The following TMSB15B variants were observed in gnomAD, a reference collection of about 807,000 sequenced individuals.
TMSB15B encodes the protein thymosin beta 15B.
rs782049934 is a variant in TMSB15B, at chrX:103,928,218, C to T, written c.-721+8926C>T. On this transcript the variant is annotated intron_variant, in intron 1 of 3. Coordinates refer to the TMSB15B transcript ENST00000419165. ...CTTGGGGCTGTTTCCAACTCTATGT[C>T]TACTTTTCTGACCTTTCCTATCTAT... The T allele has an allele frequency of 1.2e-5, 14 of 1,198,298 alleles. No individual in the cohort carries two copies. The East Asian group carries it at 3.9e-4, about 33-fold the overall frequency.
chrX:103,947,546 G>T (rs1157128078), intron 1 of TMSB15B, among the ~76,000 whole-genome samples: 2 of 111,897 alleles, frequency 1.8e-5, no homozygotes, highest in Non-Finnish European at 3.8e-5. Flanking sequence ...TGCCTAACAG[G>T]ATACCTTCTT....
chrX:103,935,956 C>T (rs782547783), intron 1 of TMSB15B, among the ~76,000 whole-genome samples: 4 of 104,034 alleles, frequency 3.8e-5, no homozygotes, highest in African/African-American at 1.4e-4. Flanking sequence ...AAGTTATTCT[C>T]CTGCCTCAGC....
intron 1 of TMSB15B, among the ~76,000 whole-genome samples, chrX:103,940,900 A>G (rs782314080): frequency 9.0e-6 from 1 of 111,471 alleles, no homozygotes; most frequent in Non-Finnish European, 1.9e-5. Context: ...AAAGCTTAGT[A>G]TCTGGGCCAG....
At chrX:103,928,342 C>T in intron 1 of TMSB15B, 3 of 1,208,948 alleles carry the variant, frequency 2.5e-6, no homozygotes, top group Non-Finnish European at 3.4e-6. Context: ...GGGAATCTAC[C>T]CTCCTCTTCT....
chrX:103,935,720 A>C (rs2074995800), intron 1 of TMSB15B, among the ~76,000 whole-genome samples: 1 of 110,856 alleles, frequency 9.0e-6, no homozygotes, highest in African/African-American at 3.3e-5. Flanking sequence ...TACCAGTACC[A>C]TGCTGTTTTG....
chrX:103,930,650 C>G (rs187519961), intron 1 of TMSB15B, among the ~76,000 whole-genome samples: 1 of 107,966 alleles, frequency 9.3e-6, no homozygotes, highest in Non-Finnish European at 1.9e-5. Context: ...GTCAGTAAGA[C>G]ACATGCCTTG....
At chrX:103,948,528 A>T (rs782519125) in intron 1 of TMSB15B, among the ~76,000 whole-genome samples, 62 of 112,462 alleles carry the variant, frequency 5.5e-4, no homozygotes, top group African/African-American at 1.9e-3. Flanking sequence ...AGCAACTTAA[A>T]TGTCTATGAG....
At chrX:103,940,183 T>C (rs2075008982) in intron 1 of TMSB15B, among the ~76,000 whole-genome samples, 1 of 112,353 alleles carries the variant, frequency 8.9e-6, no homozygotes, top group Admixed American at 9.4e-5. Context: ...GCTAGAGCAC[T>C]GTGCTGGGAG....
chrX:103,920,684 G>C (rs868948838), intron 1 of TMSB15B, among the ~76,000 whole-genome samples: 1 of 112,582 alleles, frequency 8.9e-6, no homozygotes, highest in Non-Finnish European at 1.9e-5. Flanking sequence ...AGAAGTGTGA[G>C]AAATCAAACC....
In TMSB15B at chrX:103,944,882, G is replaced by A. The variant is rs144156082; in HGVS notation, c.-720-17139G>A. On this transcript the variant is annotated intron_variant, in intron 1 of 3. Coordinates refer to the TMSB15B transcript ENST00000419165. Reference sequence around the variant, plus strand: ...GATCTCACCTCCCCTGGGTTCAAGCGATTCTCCTGCCTCAGCTTCTGAGTA... The same window carrying A: ...GATCTCACCTCCCCTGGGTTCAAGCAATTCTCCTGCCTCAGCTTCTGAGTA... 1.2e-3 allele frequency among the ~76,000 whole-genome samples: 138 copies of A among 111,793 alleles called. 3 individuals carry two copies. The East Asian group carries it at 0.036, about 29-fold the overall frequency.
chrX:103,939,980 T>C (rs1292980066), intron 1 of TMSB15B, among the ~76,000 whole-genome samples: 2 of 111,790 alleles, frequency 1.8e-5, no homozygotes, highest in African/African-American at 3.3e-5. Flanking sequence ...GTATCACTAG[T>C]GGAGGCTGTA....
At chrX:103,922,792 A>G (rs1476545147) in intron 1 of TMSB15B, among the ~76,000 whole-genome samples, 1 of 112,120 alleles carries the variant, frequency 8.9e-6, no homozygotes, top group Non-Finnish European at 1.9e-5. Context: ...ACTGTCTTCC[A>G]CAATGGTTGA....
At chrX:103,927,984 G>A in intron 1 of TMSB15B, 1 of 446,684 alleles carries the variant, frequency 2.2e-6, no homozygotes, top group Non-Finnish European at 3.7e-6. Flanking sequence ...GTTTCTTAGG[G>A]TTCATTTCCA....
At chrX:103,936,035 G>A (rs1324098472) in intron 1 of TMSB15B, among the ~76,000 whole-genome samples, 1 of 109,350 alleles carries the variant, frequency 9.1e-6, no homozygotes, top group Admixed American at 9.8e-5. Flanking sequence ...TAGTAGAGAT[G>A]GGGTTTCTCC....
At chrX:103,942,016 C>A (rs1468528224) in intron 1 of TMSB15B, among the ~76,000 whole-genome samples, 2 of 111,475 alleles carry the variant, frequency 1.8e-5, no homozygotes, top group Non-Finnish European at 3.8e-5. Flanking sequence ...AATTTTAGTT[C>A]TTTCTCCTTT....
chrX:103,926,478 G>A (rs1196689571), intron 1 of TMSB15B, among the ~76,000 whole-genome samples: 2 of 66,254 alleles, frequency 3.0e-5, no homozygotes, highest in African/African-American at 1.2e-4. Flanking sequence ...TGGATGTAGT[G>A]GGGGGGATAG....
At chrX:103,930,444 C>T (rs2074981448) in intron 1 of TMSB15B, among the ~76,000 whole-genome samples, 1 of 111,015 alleles carries the variant, frequency 9.0e-6, no homozygotes, top group Non-Finnish European at 1.9e-5. Context: ...ACCCTGTGTT[C>T]TTGTATTCTT....
At chrX:103,955,126 G>C (rs2075048212) in intron 1 of TMSB15B, among the ~76,000 whole-genome samples, 1 of 110,900 alleles carries the variant, frequency 9.0e-6, no homozygotes, top group Non-Finnish European at 1.9e-5. Context: ...TCATCAAATA[G>C]GATAAAAGAA....
intron 1 of TMSB15B, among the ~76,000 whole-genome samples, chrX:103,952,652 G>A (rs2075041754): frequency 8.9e-6 from 1 of 111,939 alleles, no homozygotes; most frequent in Non-Finnish European, 1.9e-5. Flanking sequence ...GAATGTAGCA[G>A]TTGAGAGGTA....
Sources: gnomAD v4.1 joint callset for allele counts (sites outside exome capture counted in the v4.1 genomes callset) on GRCh38, gnomAD v4.1.1 for gene constraint, MANE v1.5 for transcripts, NCBI Gene and HGNC (gene_info 2026-07-23, HGNC 2026-07-21) for gene names.